The following MICAL3 variants were observed in gnomAD, a reference collection of about 807,000 sequenced individuals.
The protein encoded by MICAL3 is microtubule associated monooxygenase, calponin and LIM domain containing 3.
In MICAL3, 62 loss-of-function variants were observed where a neutral mutation model predicts 207.4. The ratio of observed to expected loss-of-function variants is 0.30; its 90% confidence interval spans 0.24 to 0.37. The LOEUF (loss-of-function observed/expected upper bound fraction) is 0.37. Ranked by LOEUF, MICAL3 falls within the 10% of genes least tolerant of loss-of-function variation. The pLI, the probability that MICAL3 is intolerant of heterozygous loss-of-function variation, is 1.00. For synonymous variants in MICAL3, 1,077 were observed against 1,069.3 expected, an observed-to-expected ratio of 1.01 and a Z score of -0.14; for missense variants, 2,368 against 2,635.6, an observed-to-expected ratio of 0.90 and a Z score of 2.22.
chr22:17,797,394 T>G (rs906536858), intron 29 of MICAL3, among the ~76,000 whole-genome samples: 2 of 152,050 alleles, frequency 1.3e-5, no homozygotes, highest in African/African-American at 4.8e-5. Flanking sequence ...CTCAGGAGGC[T>G]ACGGTGGGAG....
chr22:17,959,977 G>T (rs1332691985), intron 1 of MICAL3, among the ~76,000 whole-genome samples: 2 of 152,212 alleles, frequency 1.3e-5, no homozygotes, highest in Non-Finnish European at 2.9e-5. Flanking sequence ...CCAATGCCTA[G>T]GAGTGCACTC....
intron 1 of MICAL3, among the ~76,000 whole-genome samples, chr22:17,996,305 A>G (rs931970534): frequency 6.6e-6 from 1 of 151,806 alleles, no homozygotes; most frequent in Non-Finnish European, 1.5e-5. Flanking sequence ...TTAGCCGGGC[A>G]TGGTGGCAGG....
rs565546187 is a variant in MICAL3, at chr22:17,917,153, A to G, written c.-74-10267T>C. Among the ~76,000 whole-genome samples, 3 of 152,318 alleles carry G rather than the reference A, an allele frequency of 2.0e-5. No individual in the cohort carries two copies. The South Asian group carries it at 6.2e-4, about 32-fold the overall frequency. On this transcript the variant is annotated intron_variant, in intron 1 of 31. Coordinates refer to ENST00000441493, the MANE Select transcript of MICAL3 (RefSeq NM_015241.3). ...GATCCTCCCTCCCGTAGATTTATCTACACAGTATCAATAACCAATGGTGCC... is the reference window on the plus strand; with the variant it reads ...GATCCTCCCTCCCGTAGATTTATCTGCACAGTATCAATAACCAATGGTGCC...
At chr22:17,997,599 T>C (rs1922436065) in intron 1 of MICAL3, among the ~76,000 whole-genome samples, 1 of 152,070 alleles carries the variant, frequency 6.6e-6, no homozygotes, top group Non-Finnish European at 1.5e-5. Context: ...TGCCCATTAG[T>C]CATCCCTAAG....
intron 19 of MICAL3, among the ~76,000 whole-genome samples, chr22:17,843,395 T>C (rs1176605061): frequency 6.6e-6 from 1 of 152,118 alleles, no homozygotes; most frequent in Non-Finnish European, 1.5e-5. Flanking sequence ...TCCCCTGTAA[T>C]GTGAGTAGCA....
At chr22:18,009,198 T>C (rs1923582203) in intron 1 of MICAL3, among the ~76,000 whole-genome samples, 2 of 85,818 alleles carry the variant, frequency 2.3e-5, no homozygotes. Flanking sequence ...AGAGTCCTTC[T>C]GTAACTCGCA....
intron 1 of MICAL3, among the ~76,000 whole-genome samples, chr22:18,017,274 C>T (rs530732044): frequency 4.6e-5 from 7 of 151,296 alleles, no homozygotes; most frequent in East Asian, 1.9e-4. Context: ...CGTGCAATGG[C>T]GCAATCTCGG....
At chr22:17,893,316 T>G (rs550085881) in intron 11 of MICAL3, among the ~76,000 whole-genome samples, 12 of 152,252 alleles carry the variant, frequency 7.9e-5, no homozygotes, top group African/African-American at 2.6e-4. Flanking sequence ...GGTGTACTCA[T>G]GTCATTCTCT....
At chr22:17,861,516 A>G in intron 19 of MICAL3, 1 of 985,458 alleles carries the variant, frequency 1.0e-6, no homozygotes, top group Non-Finnish European at 1.2e-6. Flanking sequence ...CATCAACCGT[A>G]TCAGATAAAA....
In MICAL3 at chr22:17,818,191, C is replaced by A. The variant is rs752575337; in HGVS notation, c.4470G>T (p.Leu1490Phe). 1.9e-6 allele frequency: 3 copies of A among 1,565,196 alleles called. No homozygotes were observed. The highest frequency in any genetic ancestry group is 2.3e-5 in the South Asian group (2 of 86,364). Residue 1490 changes from leucine (L) to phenylalanine (F), a missense_variant, in exon 26 of 32, where the codon TTG becomes TTT. By Grantham distance (22) the Leu-to-Phe change is conservative. This residue lies in a region of MICAL3 where 1,770 missense variants were observed against 1,863.2 expected (regional missense o/e 0.95). Coordinates refer to ENST00000441493, the MANE Select transcript of MICAL3 (RefSeq NM_015241.3). Reference protein sequence around the residue: ...EPNASVVPPPLPATWMRPPRE... With the variant: ...EPNASVVPPPFPATWMRPPRE... ...GGGGGGGCCGCATCCAGGTGGCGGG[C>A]AAGGGCGGCGGGACCACCGAGGCAT...
intron 1 of MICAL3, among the ~76,000 whole-genome samples, chr22:17,982,475 A>G (rs1935958018): frequency 6.6e-6 from 1 of 152,204 alleles, no homozygotes; most frequent in Non-Finnish European, 1.5e-5. Flanking sequence ...GTTCAAGACC[A>G]GCCTGGCCAA....
chr22:17,988,231 C>T (rs150090553), intron 1 of MICAL3, among the ~76,000 whole-genome samples: 122 of 152,334 alleles, frequency 8.0e-4, no homozygotes, highest in African/African-American at 2.9e-3. Flanking sequence ...CAGCATTATC[C>T]GGGGCGCTGC....
chr22:17,959,987 C>T (rs372995197), intron 1 of MICAL3, among the ~76,000 whole-genome samples: 3 of 152,250 alleles, frequency 2.0e-5, no homozygotes, highest in Non-Finnish European at 2.9e-5. Context: ...GGAGTGCACT[C>T]TGTAAGCAAA....
At chr22:18,003,159 CA>C (rs770213307) in intron 1 of MICAL3, among the ~76,000 whole-genome samples, 484 of 106,946 alleles carry the variant, frequency 4.5e-3, no homozygotes, top group African/African-American at 5.1e-3. Context: ...GACTCCATCT[CA>C]AAAAAAAAAA....
At chr22:17,915,385 A>C (rs960862466) in intron 1 of MICAL3, among the ~76,000 whole-genome samples, 4 of 152,226 alleles carry the variant, frequency 2.6e-5, no homozygotes, top group Admixed American at 6.5e-5. Context: ...GCCACTGCAC[A>C]CAGGGACTCA....
At chr22:17,815,457 T>C (rs1374547326) in intron 27 of MICAL3, 6 of 152,286 alleles carry the variant, frequency 3.9e-5, no homozygotes, top group African/African-American at 1.4e-4. Context: ...GCAGCACCCA[T>C]CACCAGTATT....
rs779632272 is a variant in MICAL3, at chr22:17,901,988, C to A, written c.590-9G>T. The A allele has an allele frequency of 1.9e-5, 30 of 1,606,358 alleles. No homozygotes were observed. In the South Asian group the frequency reaches 3.3e-4, roughly 18 times the overall value. On this transcript the variant is annotated splice_polypyrimidine_tract_variant and intron_variant, in intron 4 of 31. Coordinates refer to ENST00000441493, the MANE Select transcript of MICAL3 (RefSeq NM_015241.3). The stretch of plus-strand genomic sequence containing the variant: ...TGCCCGCCAGCCTATCCCTGTGAAC[C>A]AAAACCAAATAAATGGGGGTCACCA...
At chr22:18,006,574 C>G (rs1198844085) in intron 1 of MICAL3, 1 of 152,204 alleles carries the variant, frequency 6.6e-6, no homozygotes, top group East Asian at 1.9e-4. Context: ...TGGCTCATGC[C>G]TCTAATCTCA....
At chr22:17,832,492 G>A (rs1279599476) in intron 20 of MICAL3, among the ~76,000 whole-genome samples, 1 of 152,138 alleles carries the variant, frequency 6.6e-6, no homozygotes, top group Non-Finnish European at 1.5e-5. Flanking sequence ...GACTGCAGCC[G>A]CTCAAACTCA....
Sources: gnomAD v4.1 joint callset for allele counts (sites outside exome capture counted in the v4.1 genomes callset) on GRCh38, gnomAD v4.1.1 for gene constraint, gnomAD v4.1.1 regional missense constraint, MANE v1.5 for transcripts, NCBI Gene and HGNC (gene_info 2026-07-23, HGNC 2026-07-21) for gene names.